Variants in VAC14 observed in about 807,000 individuals in gnomAD.
VAC14 encodes the protein protein VAC14 homolog.
In VAC14, 47 loss-of-function variants were observed where a neutral mutation model predicts 85.3. That is an observed-to-expected ratio of 0.55 (90% CI 0.44 to 0.70). VAC14 has a LOEUF of 0.70. VAC14 is among the 30% of genes least tolerant of loss of function. VAC14 has a pLI of 0.00. For synonymous variants in VAC14, 447 were observed against 430.5 expected (o/e 1.04, Z -0.47); for missense variants, 861 against 1,004.3 (o/e 0.86, Z 1.93).
At chr16:70,792,222 T>C (rs144004532) in intron 1 of VAC14, among the ~76,000 whole-genome samples, 48 of 152,200 alleles carry the variant, frequency 3.2e-4, no homozygotes, top group Non-Finnish European at 5.6e-4. Flanking sequence ...GCAGAGTAAG[T>C]GCAGTTGAAA....
At position 70,753,899 on chromosome 16, in the gene VAC14, G is replaced by A. The variant is rs570582588; in HGVS notation, c.1371+8641C>T. 6.6e-4 allele frequency among the ~76,000 whole-genome samples: 100 copies of A among 152,284 alleles called. 1 individual carries two copies. The highest frequency in any genetic ancestry group is 2.3e-3 in the African/African-American group (96 of 41,560). On this transcript the variant is annotated intron_variant, in intron 12 of 18. Transcript: ENST00000261776. ...CCCATTCCTGCCTCAGGGAAAGGCT[G>A]GCTGGGCTGGCTCCTCTTTGTGGGG...
intron 14 of VAC14, among the ~76,000 whole-genome samples, chr16:70,730,594 CTT>C (rs34654239): frequency 3.7e-4 from 39 of 106,522 alleles, no homozygotes; most frequent in South Asian, 1.2e-3. Context: ...GAGGCCCAGG[CTT>C]TTTTTTTTTT....
chr16:70,698,689 G>C lies in VAC14; in HGVS notation c.1784C>G (p.Thr595Ser). The stretch of plus-strand genomic sequence containing the variant: ...CCTTAGCTGGAAGAGCTCTGTGGAG[G>C]TCAGCAGGATGGTGTTGAGGGCGTG... ...MVHALNTILL[T>S]STELFQLRNQ... The change falls in exon 15 of 19, where the codon ACC becomes AGC. Residue 595 changes from threonine (T) to serine (S), a missense_variant. Around this residue, in one of 3 missense-constraint regions of VAC14, gnomAD observed 69 missense variants for 139.0 expected, o/e 0.50. Transcript: ENST00000261776. 1 of 1,614,204 alleles carries C rather than the reference G, an allele frequency of 6.2e-7. No homozygotes were observed. Among genetic ancestry groups the C allele is most frequent in the Non-Finnish European group, 8.5e-7 (1 of 1,180,026 alleles).
Position 70,762,814 on chromosome 16 carries a change from G to A in VAC14, c.1305+67C>T. 2 of 1,607,728 alleles carry A rather than the reference G, an allele frequency of 1.2e-6. No individual in the cohort carries two copies. Among genetic ancestry groups the A allele is most frequent in the Admixed American group, 1.7e-5 (1 of 59,564 alleles). On this transcript the variant is annotated intron_variant, in intron 11 of 18. Coordinates refer to ENST00000261776, the MANE Select transcript of VAC14 (RefSeq NM_018052.5). The surrounding 1 kb of genome is among the most constrained non-coding windows in gnomAD (Gnocchi z 4.1). ...CAATGACCAAAATGCTACCAACTAT[G>A]GGCAGGCCCTGGAAAACCAAGGCGG...
intron 7 of VAC14, 98 bp from the exon 8 acceptor site, chr16:70,782,101 G>T: frequency 6.7e-7 from 1 of 1,489,716 alleles, no homozygotes; most frequent in South Asian, 1.3e-5. Flanking sequence ...GCGGCCTGTG[G>T]AACCCAAGCG....
chr16:70,800,929 C>T lies in VAC14; in HGVS notation c.-29G>A. 6.5e-7 allele frequency: 1 copy of T among 1,527,156 alleles called. No individual in the cohort carries two copies. The highest frequency in any genetic ancestry group is 1.2e-5 in the South Asian group (1 of 84,680). The allele number at this position is 1,527,156 out of a possible 1,614,324, so 94.6% of individuals were successfully genotyped here. On this transcript the variant is annotated 5_prime_UTR_variant, in exon 1 of 19. Transcript: ENST00000261776. ...GGCAGCTGGGGGAACCTCGCGACTCCTTAGCCCGCGGCTGCCGGGGCCGCG... is the reference window on the plus strand; with the variant it reads ...GGCAGCTGGGGGAACCTCGCGACTCTTTAGCCCGCGGCTGCCGGGGCCGCG...
At chr16:70,799,992 C>A (rs762076556) in intron 1 of VAC14, among the ~76,000 whole-genome samples, 1 of 152,180 alleles carries the variant, frequency 6.6e-6, no homozygotes, top group Non-Finnish European at 1.5e-5. Flanking sequence ...TACAATTCAC[C>A]TTTTCTGACT....
intron 1 of VAC14, among the ~76,000 whole-genome samples, chr16:70,797,890 T>C (rs914540946): frequency 5.9e-5 from 9 of 152,194 alleles, no homozygotes; most frequent in East Asian, 3.8e-4. Flanking sequence ...TCCATCATGA[T>C]TGGAAGCATC....
At chr16:70,756,883 G>T (rs756076735) in intron 12 of VAC14, among the ~76,000 whole-genome samples, 3 of 152,144 alleles carry the variant, frequency 2.0e-5, no homozygotes, top group Non-Finnish European at 4.4e-5. Flanking sequence ...TGTGATGGGT[G>T]GCCCATGTTC....
intron 12 of VAC14, chr16:70,756,136 AG>A (rs1371160974): frequency 4.4e-6 from 2 of 456,126 alleles, no homozygotes; most frequent in Non-Finnish European, 8.8e-6. Flanking sequence ...GGAGAAGGAA[AG>A]GGGCACGCTG....
chr16:70,697,124 T>G lies in VAC14; in HGVS notation c.1955+15A>C. 5.0e-6 allele frequency: 8 copies of G among 1,601,122 alleles called. No homozygotes were observed. The highest frequency in any genetic ancestry group is 6.0e-6 in the Non-Finnish European group (7 of 1,169,172). ...CTCAGAGGCTCAACCCCAACCACAG[T>G]GAGAGGAAGGATACAACTTCTGGAT... On this transcript the variant is annotated intron_variant, in intron 16 of 18. Coordinates refer to ENST00000261776, the MANE Select transcript of VAC14 (RefSeq NM_018052.5).
intron 1 of VAC14, among the ~76,000 whole-genome samples, chr16:70,799,004 C>A (rs1366359686): frequency 2.6e-5 from 4 of 152,200 alleles, no homozygotes; most frequent in African/African-American, 7.2e-5. Context: ...ATGTCCAATA[C>A]AAAATGAACT....
intron 17 of VAC14, among the ~76,000 whole-genome samples, chr16:70,694,127 G>A (rs1429476555): frequency 6.6e-6 from 1 of 152,228 alleles, no homozygotes; most frequent in African/African-American, 2.4e-5. Context: ...TGTTGGGCGA[G>A]ACCAGGGTGT....
At chr16:70,760,184 G>A (rs1293466358) in intron 12 of VAC14, among the ~76,000 whole-genome samples, 1 of 152,182 alleles carries the variant, frequency 6.6e-6, no homozygotes, top group Non-Finnish European at 1.5e-5. Context: ...GAGAGGACCT[G>A]CCTGTCTGGC....
intron 9 of VAC14, among the ~76,000 whole-genome samples, chr16:70,777,220 C>T (rs928374805): frequency 3.3e-5 from 5 of 152,204 alleles, no homozygotes; most frequent in African/African-American, 1.2e-4. Flanking sequence ...GCTGGGATTA[C>T]AGGCATGAGT....
chr16:70,754,586 G>A (rs142974617), intron 12 of VAC14, among the ~76,000 whole-genome samples: 149 of 152,254 alleles, frequency 9.8e-4, no homozygotes, highest in Non-Finnish European at 1.7e-3. Context: ...ACAGAGGGCA[G>A]TGTCCCCTGC....
intron 10 of VAC14, among the ~76,000 whole-genome samples, chr16:70,766,073 CCAGCTGT>C (rs1247454151): frequency 6.6e-6 from 1 of 151,800 alleles, no homozygotes; most frequent in African/African-American, 2.4e-5. Context: ...CTGCCAGCTC[CCAGCTGT>C]CAGCTCACCT....
chr16:70,713,483 G>T (rs4985419), intron 14 of VAC14, among the ~76,000 whole-genome samples: 2 of 151,948 alleles, frequency 1.3e-5, no homozygotes, highest in African/African-American at 4.8e-5. Flanking sequence ...CTTTCCAGAC[G>T]TCCTTCCCCT....
At chr16:70,798,831 C>T (rs890306613) in intron 1 of VAC14, among the ~76,000 whole-genome samples, 1 of 152,178 alleles carries the variant, frequency 6.6e-6, no homozygotes, top group Admixed American at 6.5e-5. Context: ...ATTTCCCCAC[C>T]GAAAATGTAC....
Sources: gnomAD v4.1 joint callset for allele counts (sites outside exome capture counted in the v4.1 genomes callset) on GRCh38, gnomAD v4.1.1 for gene constraint, gnomAD v4.1.1 regional missense constraint, Gnocchi (gnomAD v3.1) non-coding constraint, MANE v1.5 for transcripts, NCBI Gene and HGNC (gene_info 2026-07-23, HGNC 2026-07-21) for gene names.